Variants in COG4 observed in about 807,000 individuals in gnomAD.
The protein encoded by COG4 is conserved oligomeric Golgi complex subunit 4.
In COG4, 65 loss-of-function variants were observed where a neutral mutation model predicts 95.1. The ratio of observed to expected loss-of-function variants is 0.68; its 90% CI spans 0.56 to 0.84. The LOEUF (loss-of-function observed/expected upper bound fraction) is 0.84, where lower values mean the gene tolerates loss of function less well. COG4 is among the 40% of genes least tolerant of loss of function. The pLI, the probability that COG4 is intolerant of heterozygous loss-of-function variation, is 0.00. For missense variants in COG4, 1,045 were observed against 989.1 expected (o/e 1.06, Z -0.76); for synonymous variants, 421 against 374.8 (o/e 1.12, Z -1.42).
chr16:70,483,726 T>C (rs1210306312), intron 14 of COG4, 127 bp downstream of exon 14: 4 of 801,938 alleles, frequency 5.0e-6, no homozygotes, highest in Non-Finnish European at 9.0e-6. Context: ...AACTCCAGGC[T>C]CCAGGGCTTG....
intron 17 of COG4, 87 bp downstream of exon 17, chr16:70,481,677 G>A: frequency 7.4e-7 from 1 of 1,359,888 alleles, no homozygotes; most frequent in South Asian, 1.2e-5. Flanking sequence ...AGCAGACAGA[G>A]GGGATGCAAG....
chr16:70,510,470 G>T (rs1055492471), intron 5 of COG4, among the ~76,000 whole-genome samples: 1 of 152,118 alleles, frequency 6.6e-6, no homozygotes, highest in African/African-American at 2.4e-5. Context: ...CTATAGGCGA[G>T]AGCCACCATG....
chr16:70,516,343 C>T (rs1204652012), intron 3 of COG4, among the ~76,000 whole-genome samples: 2 of 150,982 alleles, frequency 1.3e-5, no homozygotes, highest in Non-Finnish European at 2.9e-5. Context: ...GTCGCCCAGG[C>T]TGGAGTGCAG....
intron 8 of COG4, among the ~76,000 whole-genome samples, chr16:70,508,071 C>A (rs980382312): frequency 6.6e-6 from 1 of 151,674 alleles, no homozygotes; most frequent in Non-Finnish European, 1.5e-5. Flanking sequence ...CAGGCACGCA[C>A]CACCATGCCC....
chr16:70,523,304 G>C (rs542542898), intron 1 of COG4, 69 bp downstream of exon 1: 1 of 1,584,338 alleles, frequency 6.3e-7, no homozygotes, highest in South Asian at 1.1e-5. Context: ...CCCACAGCCC[G>C]GATTTCCCGA....
intron 15 of COG4, 110 bp from the exon 16 acceptor site, chr16:70,482,285 G>A: frequency 1.3e-6 from 1 of 793,212 alleles, no homozygotes. Context: ...TTCCTTCCCT[G>A]TGCCTTCTGA....
chr16:70,507,976 A>G (rs2049613726), intron 8 of COG4, among the ~76,000 whole-genome samples: 1 of 151,738 alleles, frequency 6.6e-6, no homozygotes, highest in South Asian at 2.1e-4. Context: ...GCTGGAGTGC[A>G]GTGGTGCAAT....
chr16:70,508,647 G>A (rs2049631118), intron 7 of COG4, 183 bp from the exon 8 acceptor site: 1 of 691,592 alleles, frequency 1.4e-6, no homozygotes, highest in African/African-American at 1.8e-5. Flanking sequence ...TTTTTGGGTT[G>A]GATGCTAATA....
intron 8 of COG4, among the ~76,000 whole-genome samples, chr16:70,502,748 T>G (rs2049480809): frequency 6.6e-6 from 1 of 152,132 alleles, no homozygotes; most frequent in African/African-American, 2.4e-5. Context: ...TCTTGAAAAA[T>G]ACAAAGTTGG....
At chr16:70,521,319 G>A (rs1164973283) in intron 1 of COG4, among the ~76,000 whole-genome samples, 1 of 151,890 alleles carries the variant, frequency 6.6e-6, no homozygotes, top group African/African-American at 2.4e-5. Flanking sequence ...TGGGGTTCAA[G>A]CGATTTTCAT....
In COG4 at chr16:70,509,311, T is replaced by C. The variant is rs1878201268; in HGVS notation, c.922A>G (p.Lys308Glu). 3 of 1,614,116 alleles carry C rather than the reference T, an allele frequency of 1.9e-6. No homozygotes were observed. In the South Asian group the frequency reaches 3.3e-5, roughly 18 times the overall value. The stretch of plus-strand genomic sequence containing the variant: ...CTGTCACATTCCACCTGCAGATATT[T>C]GATCAGGGTATAGAGTCTCCCTGGC... ...YGPGRLYTLIKYLQVECDRQV... is the reference protein window; with the variant it reads ...YGPGRLYTLIEYLQVECDRQV... Residue 308 changes from lysine to glutamate, a missense_variant, in exon 7 of 19, where the codon AAA becomes GAA. Coordinates refer to ENST00000323786, the MANE Select transcript of COG4 (RefSeq NM_015386.3).
At chr16:70,504,345 G>A (rs752613291) in intron 8 of COG4, among the ~76,000 whole-genome samples, 13 of 152,174 alleles carry the variant, frequency 8.5e-5, no homozygotes, top group Middle Eastern at 3.4e-3. Context: ...AGTCGTTCAC[G>A]ACTGTAATCC....
At chr16:70,510,379 G>A (rs1372897947) in intron 5 of COG4, among the ~76,000 whole-genome samples, 4 of 152,162 alleles carry the variant, frequency 2.6e-5, no homozygotes, top group Non-Finnish European at 5.9e-5. Flanking sequence ...GAGTACAAGG[G>A]AGCCACAGTC....
intron 8 of COG4, among the ~76,000 whole-genome samples, chr16:70,502,059 G>A (rs12933634): frequency 0.4 from 59,942 of 150,648 alleles, 12,336 homozygotes; most frequent in South Asian, 0.66. Flanking sequence ...TGAGGCGGGC[G>A]GATCATGAGG....
chr16:70,508,327 G>T (rs1166581046), intron 8 of COG4, 79 bp downstream of exon 8: 2 of 1,184,508 alleles, frequency 1.7e-6, no homozygotes, highest in Non-Finnish European at 2.5e-6. Context: ...AGACCACATT[G>T]TAACAGAGTA....
chr16:70,487,258 AGAGT>A (rs2151742780), intron 13 of COG4, among the ~76,000 whole-genome samples: 1 of 151,812 alleles, frequency 6.6e-6, no homozygotes, highest in Admixed American at 6.6e-5. Context: ...CCTGGGCAAC[AGAGT>A]GAGAATCGGT....
chr16:70,492,010 A>C (rs2049255219), intron 12 of COG4, among the ~76,000 whole-genome samples: 1 of 152,148 alleles, frequency 6.6e-6, no homozygotes, highest in African/African-American at 2.4e-5. Context: ...GCCAGATAGT[A>C]AACAAATGCA....
Position 70,480,953 on chromosome 16 carries a change from G to A in COG4, c.*57C>T. ...CAGCCTCGCTCAGCTCCTTGGCTGGGGCCCCTTAGGGAACAGGCCTGCAAG... is the reference window on the plus strand; with the variant it reads ...CAGCCTCGCTCAGCTCCTTGGCTGGAGCCCCTTAGGGAACAGGCCTGCAAG... On this transcript the variant is annotated 3_prime_UTR_variant, in exon 19 of 19. Coordinates refer to ENST00000323786, the MANE Select transcript of COG4 (RefSeq NM_015386.3). 1.9e-6 allele frequency: 3 copies of A among 1,604,736 alleles called. No individual in the cohort carries two copies. Among genetic ancestry groups the A allele is most frequent in the Non-Finnish European group, 2.5e-6 (3 of 1,177,496 alleles).
At chr16:70,523,228 A>C in intron 1 of COG4, 145 bp downstream of exon 1, 3 of 971,056 alleles carry the variant, frequency 3.1e-6, no homozygotes, top group African/African-American at 1.6e-5. Flanking sequence ...AGGACTACTC[A>C]TATACCCGAC....
Sources: gnomAD v4.1 joint callset for allele counts (sites outside exome capture counted in the v4.1 genomes callset) on GRCh38, gnomAD v4.1.1 for gene constraint, MANE v1.5 for transcripts, NCBI Gene and HGNC (gene_info 2026-07-23, HGNC 2026-07-21) for gene names.